Variants in REXO1 observed in about 807,000 individuals in gnomAD.
The protein encoded by REXO1 is RNA exonuclease 1 homolog, also known as REX1, RNA exonuclease 1 homolog.
A neutral mutation model predicts 102.6 loss-of-function variants in REXO1; 42 were observed. The ratio of observed to expected loss-of-function variants is 0.41; its 90% CI spans 0.32 to 0.53. The LOEUF is 0.53. REXO1 is among the 20% of genes least tolerant of loss of function. REXO1 has a pLI of 0.27. For synonymous variants in REXO1, 908 were observed against 779.1 expected (o/e 1.17, Z -2.76); for missense variants, 1,819 against 1,732.5 (o/e 1.05, Z -0.89).
chr19:1,819,085 G>A lies in REXO1; in HGVS notation c.2697C>T (p.Gly899=). The A allele has an allele frequency of 1.9e-6, 3 of 1,599,086 alleles. No individual in the cohort carries two copies. Among genetic ancestry groups the A allele is most frequent in the South Asian group, 1.1e-5 (1 of 89,578 alleles). Residue 899 remains glycine (G), a synonymous_variant, in exon 8 of 16, where the codon GGC becomes GGT. Transcript: ENST00000170168. ...RVVSHEVVLG[G]RLAAKTSFSL... ...AGAAGCTGGTCTTGGCGGCCAACCTGCCCCCCAACACCACCTCGTGGGACA... is the reference window on the plus strand; with the variant it reads ...AGAAGCTGGTCTTGGCGGCCAACCTACCCCCCAACACCACCTCGTGGGACA...
chr19:1,828,828 C>T (rs1241821367), intron 1 of REXO1, among the ~76,000 whole-genome samples, 197 bp from the exon 2 acceptor site: 2 of 152,268 alleles, frequency 1.3e-5, no homozygotes, highest in African/African-American at 2.4e-5. Flanking sequence ...TGCCGGGCCC[C>T]GCCTTGCCCT....
At position 1,838,317 on chromosome 19, in the gene REXO1, C is replaced by CAA. The variant is rs532397234; in HGVS notation, c.158-9688_158-9687dup. Among the ~76,000 whole-genome samples, 128 of 82,046 alleles carry CAA rather than the reference C, an allele frequency of 1.6e-3. 1 individual carries two copies. The highest frequency in any genetic ancestry group is 5.0e-3 in the African/African-American group (120 of 24,078). 53.8% of individuals were successfully genotyped at this position (82,046 alleles called of 152,430 possible). A position where few individuals can be genotyped will look rare whatever the true frequency, so the allele number is the denominator to read the frequency against. ...GGGCAACAAGAACGAAACTCCATCT[C>CAA]AAAAAAAAAAAAAAAAACCAGCTGG... On this transcript the variant is annotated intron_variant, in intron 1 of 15. Transcript: ENST00000170168.
chr19:1,823,849 G>A, intron 3 of REXO1, 64 bp from the exon 4 acceptor site: 1 of 763,722 alleles, frequency 1.3e-6, no homozygotes, highest in Non-Finnish European at 1.8e-6. Flanking sequence ...GGCGACCCCG[G>A]GCAGGCTTGG....
In REXO1 at chr19:1,815,889, G is replaced by T; in HGVS notation, c.*177C>A. On this transcript the variant is annotated 3_prime_UTR_variant, in exon 16 of 16. Transcript: ENST00000170168. The surrounding 1 kb of genome is among the most constrained non-coding windows in gnomAD (Gnocchi z 4.0). ...TGGGGACCGGCGGAGGGGTGCGGCA[G>T]GACGTGAGCGGGGGTGGGCTGGGCT... The T allele has an allele frequency of 6.5e-7, 1 of 1,530,100 alleles. No individual in the cohort carries two copies. The highest frequency in any genetic ancestry group is 8.7e-7 in the Non-Finnish European group (1 of 1,143,410). The allele number at this position is 1,530,100 out of a possible 1,614,324, so 94.8% of individuals were successfully genotyped here.
chr19:1,830,664 A>C (rs1477620671), intron 1 of REXO1: 1 of 207,936 alleles, frequency 4.8e-6, no homozygotes, highest in African/African-American at 2.4e-5. Flanking sequence ...ATATCCCCTT[A>C]GATGGCAAAT....
At chr19:1,833,039 C>A (rs2069947691) in intron 1 of REXO1, among the ~76,000 whole-genome samples, 1 of 151,726 alleles carries the variant, frequency 6.6e-6, no homozygotes, top group Non-Finnish European at 1.5e-5. Flanking sequence ...CTAGGCAACA[C>A]GGCGAGACCC....
intron 1 of REXO1, 104 bp downstream of exon 1, chr19:1,848,098 G>GT: frequency 1.9e-6 from 1 of 530,944 alleles, no homozygotes; most frequent in Non-Finnish European, 2.8e-6. Context: ...CGAACGTGTG[G>GT]GGAGGAGGCT....
chr19:1,833,855 A>T (rs2069969696), intron 1 of REXO1, among the ~76,000 whole-genome samples: 1 of 152,216 alleles, frequency 6.6e-6, no homozygotes, highest in African/African-American at 2.4e-5. Context: ...CATGAAGGGG[A>T]GGTGACAGAG....
At position 1,818,770 on chromosome 19, in the gene REXO1, G is replaced by A. The variant is rs2069446118; in HGVS notation, c.2838C>T (p.Phe946=). 1.2e-6 allele frequency: 2 copies of A among 1,610,336 alleles called. No homozygotes were observed. The highest frequency in any genetic ancestry group is 2.2e-5 in the East Asian group (1 of 44,878). ...QDQLKENGYP[F]PHPERPGGAI... ...CGCCCCCGGGCCGCTCTGGGTGCGG[G>A]AAGGGGTAGCCGTTCTCCTTGAGCT... Residue 946 remains phenylalanine, a synonymous_variant, in exon 9 of 16, where the codon TTC becomes TTT. Transcript: ENST00000170168.
At chr19:1,819,900 CCT>C in intron 7 of REXO1, 32 bp downstream of exon 7, 1 of 1,533,674 alleles carries the variant, frequency 6.5e-7, no homozygotes, top group African/African-American at 1.4e-5. Context: ...CAAGAGCAAC[CCT>C]GAGCCTCCCC....
Position 1,818,719 on chromosome 19 carries a change from C to G in REXO1, c.2889G>C (p.Lys963Asn), listed in dbSNP as rs2069443980. ...CCAGCGACTCACAGTCCTTGGGCCT[C>G]TTCTCCTCAGCTGTGAAGATGATTG... ...GGAIIFTAEE[K>N]RPKDSSCRTC... Residue 963 changes from lysine to asparagine, a missense_variant, in exon 9 of 16, where the codon AAG (lysine) becomes AAC (asparagine). Coordinates refer to ENST00000170168, the MANE Select transcript of REXO1 (RefSeq NM_020695.4). 6.2e-7 allele frequency: 1 copy of G among 1,611,148 alleles called. No individual in the cohort carries two copies.
At chr19:1,820,802 G>A (rs1006853966) in intron 5 of REXO1, among the ~76,000 whole-genome samples, 3 of 151,442 alleles carry the variant, frequency 2.0e-5, no homozygotes, top group Admixed American at 2.0e-4. Context: ...AGATCAGCCT[G>A]GACAACGTGG....
At chr19:1,843,987 T>C (rs1473843248) in intron 1 of REXO1, among the ~76,000 whole-genome samples, 2 of 152,214 alleles carry the variant, frequency 1.3e-5, no homozygotes, top group African/African-American at 4.8e-5. Context: ...GCCTCAGAGT[T>C]TCCGAGGAGA....
intron 3 of REXO1, among the ~76,000 whole-genome samples, chr19:1,825,540 A>G (rs1250728753): frequency 6.6e-6 from 1 of 151,574 alleles, no homozygotes; most frequent in African/African-American, 2.4e-5. Flanking sequence ...CAGTGGTGCA[A>G]TCTTGGCTCA....
At chr19:1,844,766 A>G (rs1416535114) in intron 1 of REXO1, among the ~76,000 whole-genome samples, 1 of 152,228 alleles carries the variant, frequency 6.6e-6, no homozygotes, top group Non-Finnish European at 1.5e-5. Context: ...TCTGCCGCTC[A>G]CTTTGCAGTA....
intron 11 of REXO1, 183 bp from the exon 12 acceptor site, chr19:1,817,512 T>C (rs1289879071): frequency 3.8e-5 from 56 of 1,464,428 alleles, no homozygotes; most frequent in Non-Finnish European, 4.8e-5. Context: ...GAGGACGGCT[T>C]CCCAGGATGG....
Position 1,815,942 on chromosome 19 carries a change from C to T in REXO1, c.*124G>A, listed in dbSNP as rs749233043. 1.7e-5 allele frequency: 26 copies of T among 1,534,978 alleles called. No homozygotes were observed. The South Asian group carries it at 2.3e-4, about 13-fold the overall frequency. ...GCGTTCTCTGGCCGCCAGCTCATCC[C>T]GCTGCTCTGGGCTGCCTCGGCCAGG... On this transcript the variant is annotated 3_prime_UTR_variant, in exon 16 of 16. Transcript: ENST00000170168. The surrounding 1 kb of genome is among the most constrained non-coding windows in gnomAD (Gnocchi z 4.0).
At position 1,816,045 on chromosome 19, in the gene REXO1, C is replaced by T. The variant is rs767329272; in HGVS notation, c.*21G>A. On this transcript the variant is annotated 3_prime_UTR_variant, in exon 16 of 16. Transcript: ENST00000170168. ...AGGACCAGCGGGACGGCAGGAGAGG[C>T]GGGTGGGAGGCGGGCAGGCGTCATC... 1.4e-5 allele frequency: 22 copies of T among 1,540,462 alleles called. No individual in the cohort carries two copies. The highest frequency in any genetic ancestry group is 3.6e-5 in the South Asian group (3 of 84,112).
Position 1,815,961 on chromosome 19 carries a change from G to C in REXO1, c.*105C>G, listed in dbSNP as rs111599606. 5 of 1,535,484 alleles carry C rather than the reference G, an allele frequency of 3.3e-6. No homozygotes were observed. In the East Asian group the frequency reaches 1.2e-4, roughly 38 times the overall value. ...TCATCCCGCTGCTCTGGGCTGCCTC[G>C]GCCAGGTGGACGGGTTACCGGAGAT... On this transcript the variant is annotated 3_prime_UTR_variant, in exon 16 of 16. Transcript: ENST00000170168. The surrounding 1 kb of genome is among the most constrained non-coding windows in gnomAD (Gnocchi z 4.0).
Sources: allele counts gnomAD v4.1 joint callset (sites outside exome capture counted in the v4.1 genomes callset), GRCh38; gene constraint gnomAD v4.1.1; non-coding constraint Gnocchi (gnomAD v3.1); transcripts MANE v1.5; gene names NCBI Gene and HGNC (gene_info 2026-07-23, HGNC 2026-07-21).